The following POLQ variants were observed in gnomAD, a reference collection of about 807,000 sequenced individuals.
POLQ encodes DNA polymerase theta, also known as epididymis secretory sperm binding protein.
Under a neutral mutation model 259.2 loss-of-function variants are expected in POLQ, and 233 were observed. The observed-to-expected ratio is 0.90, with a 90% CI of 0.81 to 1.00. The LOEUF is 1.00. POLQ is among the 50% of genes least tolerant of loss of function. POLQ has a pLI of 0.00. For missense variants in POLQ, 2,871 were observed against 3,051.6 expected, an observed-to-expected ratio of 0.94 and a Z score of 1.39; for synonymous variants, 1,025 against 1,048.8, an observed-to-expected ratio of 0.98 and a Z score of 0.44.
Position 121,534,195 on chromosome 3 carries a change from G to A in POLQ, c.741-986C>T, listed in dbSNP as rs79220865. ...CCAGCCGATACTGTTTCAAAAGCCTGTTTTTTTGTCCATTGATATAGTGGG... is the reference window on the plus strand; with the variant it reads ...CCAGCCGATACTGTTTCAAAAGCCTATTTTTTTGTCCATTGATATAGTGGG... On this transcript the variant is annotated intron_variant, in intron 5 of 29. Transcript: ENST00000264233. Among the ~76,000 whole-genome samples, 186 of 151,978 alleles carry A rather than the reference G, an allele frequency of 1.2e-3. 2 individuals carry two copies. The East Asian group carries it at 0.028, about 23-fold the overall frequency.
chr3:121,530,850 A>G (rs2048406076), intron 6 of POLQ, among the ~76,000 whole-genome samples: 1 of 152,212 alleles, frequency 6.6e-6, no homozygotes, highest in African/African-American at 2.4e-5. Flanking sequence ...CTCTACCCTC[A>G]TAATGTTTCT....
chr3:121,488,716 A>G lies in POLQ; in HGVS notation c.4215T>C (p.His1405=), dbSNP rs756434040. 29 of 1,613,898 alleles carry G rather than the reference A, an allele frequency of 1.8e-5. No individual in the cohort carries two copies. The highest frequency in any genetic ancestry group is 2.5e-5 in the Non-Finnish European group (29 of 1,179,902). Reference sequence around the variant, plus strand: ...TTTCTGGAGTCAGGATATCAACCCCATGTGAATCACTGCTTTGTTTCATAG... The same window carrying G: ...TTTCTGGAGTCAGGATATCAACCCCGTGTGAATCACTGCTTTGTTTCATAG... ...VGTMKQSSDS[H]GVDILTPESP... is the part of the protein sequence containing the mutation. Residue 1405 remains histidine, a synonymous_variant, in exon 16 of 30, where the codon CAT becomes CAC. Transcript: ENST00000264233.
chr3:121,509,298 C>T (rs994906889), intron 12 of POLQ, among the ~76,000 whole-genome samples: 18 of 151,894 alleles, frequency 1.2e-4, no homozygotes, highest in African/African-American at 3.1e-4. Flanking sequence ...TTCTTTTATA[C>T]GTTGTAAAAA....
intron 13 of POLQ, 141 bp downstream of exon 13, chr3:121,498,336 A>G: frequency 1.8e-6 from 1 of 547,046 alleles, no homozygotes; most frequent in South Asian, 4.0e-5. Context: ...AAGAAAATGA[A>G]AAAAAAGAAA....
At chr3:121,542,382 T>A (rs2048496920) in intron 2 of POLQ, among the ~76,000 whole-genome samples, 1 of 151,916 alleles carries the variant, frequency 6.6e-6, no homozygotes, top group Non-Finnish European at 1.5e-5. Context: ...ACAGTGAGAC[T>A]CTGTTCCAAA....
At chr3:121,511,220 C>G (rs1386279344) in intron 10 of POLQ, among the ~76,000 whole-genome samples, 1 of 94,646 alleles carries the variant, frequency 1.1e-5, no homozygotes, top group African/African-American at 3.9e-5. Flanking sequence ...AGCGAGACTC[C>G]GTCTCCAAAA....
chr3:121,437,791 A>T (rs746750823), intron 27 of POLQ, among the ~76,000 whole-genome samples: 1 of 152,266 alleles, frequency 6.6e-6, no homozygotes, highest in Non-Finnish European at 1.5e-5. Flanking sequence ...CATCAAGAGA[A>T]AAATAGATAA....
At chr3:121,520,263 C>T (rs1056349548) in intron 8 of POLQ, among the ~76,000 whole-genome samples, 180 bp from the exon 9 acceptor site, 19 of 152,016 alleles carry the variant, frequency 1.2e-4, no homozygotes, top group African/African-American at 1.9e-4. Flanking sequence ...TGGCCGGGCG[C>T]GGTGGCTCAT....
In POLQ at chr3:121,487,431, G is replaced by T. The variant is rs1181375042; in HGVS notation, c.5500C>A (p.Gln1834Lys). ...SLSIIDVASD[Q>K]NLFQTFIKEW... is the part of the protein sequence containing the mutation. The stretch of plus-strand genomic sequence containing the variant: ...TTAATGAATGTTTGGAAAAGATTTT[G>T]GTCACTTGCTACATCAATTATGGAC... Residue 1834 changes from glutamine to lysine, a missense_variant, in exon 16 of 30, where the codon CAA (glutamine) becomes AAA (lysine). Gln to Lys is a moderately conservative substitution (Grantham distance 53). Coordinates refer to ENST00000264233, the MANE Select transcript of POLQ (RefSeq NM_199420.4). The T allele has an allele frequency of 6.2e-7, 1 of 1,613,914 alleles. No individual in the cohort carries two copies. The highest frequency in any genetic ancestry group is 2.2e-5 in the East Asian group (1 of 44,856).
At chr3:121,473,837 C>A (rs2047904835) in intron 20 of POLQ, among the ~76,000 whole-genome samples, 2 of 150,808 alleles carry the variant, frequency 1.3e-5, no homozygotes, top group South Asian at 4.2e-4. Flanking sequence ...AGTGATCCTC[C>A]CACCTCAGCC....
chr3:121,499,537 C>T lies in POLQ; in HGVS notation c.1960-867G>A, dbSNP rs2048150518. On this transcript the variant is annotated intron_variant, in intron 12 of 29. Coordinates refer to ENST00000264233, the MANE Select transcript of POLQ (RefSeq NM_199420.4). Reference sequence around the variant, plus strand: ...CTCAAAATGCTGGGATTACAGGCATCAGCCACTGCGCCCGGCCAGAACCTA... The same window carrying T: ...CTCAAAATGCTGGGATTACAGGCATTAGCCACTGCGCCCGGCCAGAACCTA... Among the ~76,000 whole-genome samples the T allele has an allele frequency of 2.0e-5, 3 of 152,242 alleles. No homozygotes were observed. The South Asian group carries it at 6.2e-4, about 32-fold the overall frequency.
At chr3:121,465,657 A>C (rs2047828788) in intron 24 of POLQ, among the ~76,000 whole-genome samples, 1 of 152,122 alleles carries the variant, frequency 6.6e-6, no homozygotes, top group Admixed American at 6.6e-5. Flanking sequence ...AAACCCTCTC[A>C]TTATTATCTG....
Position 121,459,990 on chromosome 3 carries a change from T to C in POLQ, c.7152+60A>G, listed in dbSNP as rs1056894349. On this transcript the variant is annotated intron_variant, in intron 25 of 29. Coordinates refer to ENST00000264233, the MANE Select transcript of POLQ (RefSeq NM_199420.4). Reference sequence around the variant, plus strand: ...AGCTGCAAATAATTGAGACCATTTTTAATTTTTTTTGAGTCACTAAATTCT... The same window carrying C: ...AGCTGCAAATAATTGAGACCATTTTCAATTTTTTTTGAGTCACTAAATTCT... 2.7e-5 allele frequency: 35 copies of C among 1,317,528 alleles called. No individual in the cohort carries two copies. In the Middle Eastern group the frequency reaches 7.3e-4, roughly 28 times the overall value. The allele number at this position is 1,317,528 out of a possible 1,614,324, so 81.6% of individuals were successfully genotyped here.
At chr3:121,450,757 A>G (rs1230606990) in intron 25 of POLQ, among the ~76,000 whole-genome samples, 5 of 152,090 alleles carry the variant, frequency 3.3e-5, no homozygotes, top group African/African-American at 1.2e-4. Context: ...GAATCTGACA[A>G]TTATGTGTCT....
intron 7 of POLQ, 25 bp downstream of exon 7, chr3:121,529,620 G>C (rs759753375): frequency 2.5e-6 from 4 of 1,605,884 alleles, no homozygotes; most frequent in Non-Finnish European, 8.5e-7. Context: ...AAGCATGAAG[G>C]CTTTCCTTTC....
At chr3:121,453,078 T>A (rs184560517) in intron 25 of POLQ, among the ~76,000 whole-genome samples, 34 of 152,314 alleles carry the variant, frequency 2.2e-4, no homozygotes, top group Non-Finnish European at 4.9e-4. Context: ...CATTCGCAGT[T>A]TACGAAAATC....
At chr3:121,533,273 A>T in intron 5 of POLQ, 64 bp from the exon 6 acceptor site, 2 of 1,093,466 alleles carry the variant, frequency 1.8e-6, no homozygotes, top group Non-Finnish European at 2.5e-6. Context: ...TAGTGTTGCT[A>T]ACAATATTCT....
chr3:121,464,578 G>A (rs957492751), intron 24 of POLQ, among the ~76,000 whole-genome samples: 7 of 149,926 alleles, frequency 4.7e-5, no homozygotes, highest in African/African-American at 1.7e-4. Context: ...TGTAGGTACA[G>A]CATCCCTAAT....
At position 121,483,556 on chromosome 3, in the gene POLQ, A is replaced by C; in HGVS notation, c.5800T>G (p.Ser1934Ala). Reference protein sequence around the residue: ...SEISASLVPPSLDPSLTLKDR... With the variant: ...SEISASLVPPALDPSLTLKDR... ...TTCAAAGTCAGGCTTGGATCTAAAGAAGGTGGAACCAAACTGGCACTAATT... is the reference window on the plus strand; with the variant it reads ...TTCAAAGTCAGGCTTGGATCTAAAGCAGGTGGAACCAAACTGGCACTAATT... The change falls in exon 18 of 30, where the codon TCT (serine) becomes GCT (alanine). Residue 1934 changes from serine to alanine, a missense_variant. Transcript: ENST00000264233. 2 of 1,550,792 alleles carry C rather than the reference A, an allele frequency of 1.3e-6. No individual in the cohort carries two copies. Among genetic ancestry groups the C allele is most frequent in the South Asian group, 2.6e-5 (2 of 78,370 alleles).
Sources: gnomAD v4.1 joint callset for allele counts (sites outside exome capture counted in the v4.1 genomes callset) on GRCh38, gnomAD v4.1.1 for gene constraint, MANE v1.5 for transcripts, NCBI Gene and HGNC (gene_info 2026-07-23, HGNC 2026-07-21) for gene names.